The following PCDHA2 variants were observed in gnomAD, a reference collection of about 807,000 sequenced individuals.
The protein encoded by PCDHA2 is protocadherin alpha 2, also known as protocadherin alpha-2.
Under a neutral mutation model 66.0 loss-of-function variants are expected in PCDHA2, and 58 were observed. The ratio of observed to expected loss-of-function variants is 0.88; its 90% CI spans 0.71 to 1.09. PCDHA2 has a LOEUF of 1.09. PCDHA2 is among the 50% of genes least tolerant of loss of function. The probability of loss-of-function intolerance (pLI) is 0.00; values close to 1 mark genes in which losing one functional copy is unlikely to be tolerated. For synonymous variants in PCDHA2, 634 were observed against 554.0 expected, an observed-to-expected ratio of 1.14 and a Z score of -2.03; for missense variants, 1,267 against 1,242.3, an observed-to-expected ratio of 1.02 and a Z score of -0.30.
chr5:140,862,892 CTT>C (rs1554157185), intron 1 of PCDHA2: 2 of 562,274 alleles, frequency 3.6e-6, no homozygotes, highest in South Asian at 1.4e-5. Flanking sequence ...GGAACGACAA[CTT>C]TGTCTGCGCT....
At chr5:140,858,624 G>T (rs112932902) in intron 1 of PCDHA2, 7 of 1,115,778 alleles carry the variant, frequency 6.3e-6, no homozygotes, top group African/African-American at 4.7e-5. Context: ...CCTACCCAGT[G>T]TGTCAGCCTT....
chr5:140,903,823 G>A (rs1303323584), intron 1 of PCDHA2, among the ~76,000 whole-genome samples: 1 of 152,048 alleles, frequency 6.6e-6, no homozygotes, highest in Non-Finnish European at 1.5e-5. Flanking sequence ...TCACATGAAT[G>A]TCTGTTGGTA....
chr5:140,966,788 C>A, intron 1 of PCDHA2: 1 of 1,527,436 alleles, frequency 6.5e-7, no homozygotes, highest in African/African-American at 1.4e-5. Flanking sequence ...GGGCACCAGA[C>A]CTGCGGCGAC....
intron 1 of PCDHA2, chr5:140,812,457 CT>C (rs1765115164): frequency 2.0e-5 from 3 of 151,976 alleles, no homozygotes; most frequent in Non-Finnish European, 4.4e-5. Flanking sequence ...TTAATTTAAA[CT>C]TTTTTTCATT....
At chr5:140,801,160 C>T (rs1554121291) in intron 1 of PCDHA2, 3 of 1,536,136 alleles carry the variant, frequency 2.0e-6, no homozygotes, top group Non-Finnish European at 2.6e-6. Flanking sequence ...AACTTTGGAT[C>T]AATGTAAAGG....
rs151084513 is a variant in PCDHA2, at chr5:140,927,608, G to T, written c.2389-51341G>T. The T allele has an allele frequency of 1.2e-6, 2 of 1,614,168 alleles. No individual in the cohort carries two copies. The highest frequency in any genetic ancestry group is 3.3e-4 in the Middle Eastern group (2 of 6,062). Reference sequence around the variant, plus strand: ...CCTGTATTTGAGCGCTCCGTATACCGCACCAAGGTTCCAGAGACTGCACCC... The same window carrying T: ...CCTGTATTTGAGCGCTCCGTATACCTCACCAAGGTTCCAGAGACTGCACCC... On this transcript the variant is annotated intron_variant, in intron 1 of 3. Coordinates refer to ENST00000526136, the MANE Select transcript of PCDHA2 (RefSeq NM_018905.3).
At position 140,883,407 on chromosome 5, in the gene PCDHA2, G is replaced by C. The variant is rs2059598150; in HGVS notation, c.2388+86055G>C. On this transcript the variant is annotated intron_variant, in intron 1 of 3. Coordinates refer to ENST00000526136, the MANE Select transcript of PCDHA2 (RefSeq NM_018905.3). The stretch of plus-strand genomic sequence containing the variant: ...ATCAGTGTGTCCGATCGTGACTCTG[G>C]CTCAAATGGACAGGTCACCTGCACC... The C allele has an allele frequency of 1.9e-6, 3 of 1,614,170 alleles. No homozygotes were observed. In the East Asian group the frequency reaches 6.7e-5, roughly 36 times the overall value.
intron 1 of PCDHA2, chr5:140,869,124 G>C: frequency 6.2e-7 from 1 of 1,608,632 alleles, no homozygotes; most frequent in East Asian, 2.2e-5. Flanking sequence ...TTCAGAGAAG[G>C]GGATTGGGCA....
intron 1 of PCDHA2, chr5:140,834,434 T>A: frequency 6.2e-7 from 1 of 1,610,706 alleles, no homozygotes; most frequent in Non-Finnish European, 8.5e-7. Context: ...TACTGCTGTT[T>A]ATTATAATTC....
intron 1 of PCDHA2, chr5:140,859,407 TA>T (rs1351466050): frequency 4.1e-6 from 1 of 244,528 alleles, no homozygotes; most frequent in African/African-American, 2.3e-5. Context: ...AGGGTTGGGT[TA>T]GATGATATAG....
At chr5:140,993,727 T>C (rs1482867785) in intron 3 of PCDHA2, among the ~76,000 whole-genome samples, 1 of 152,220 alleles carries the variant, frequency 6.6e-6, no homozygotes, top group Non-Finnish European at 1.5e-5. Context: ...ACCTTTTCTA[T>C]GTTTAGATAC....
intron 1 of PCDHA2, chr5:140,835,702 G>A: frequency 6.2e-7 from 1 of 1,613,922 alleles, no homozygotes; most frequent in South Asian, 1.1e-5. Flanking sequence ...GCCACTGCTA[G>A]CGTGTCCGTG....
intron 1 of PCDHA2, among the ~76,000 whole-genome samples, chr5:140,973,039 C>T (rs782146596): frequency 1.3e-5 from 2 of 152,040 alleles, no homozygotes; most frequent in Non-Finnish European, 2.9e-5. Flanking sequence ...ACTTTGAGTA[C>T]TCTAGTAGAT....
chr5:140,919,198 A>G (rs545072839), intron 1 of PCDHA2, among the ~76,000 whole-genome samples: 8 of 152,268 alleles, frequency 5.3e-5, no homozygotes, highest in Admixed American at 3.9e-4. Flanking sequence ...TCCTTTTGTC[A>G]TTATAAAATG....
At chr5:140,904,091 C>A (rs536225769) in intron 1 of PCDHA2, among the ~76,000 whole-genome samples, 16 of 152,082 alleles carry the variant, frequency 1.1e-4, no homozygotes, top group Non-Finnish European at 1.8e-4. Flanking sequence ...ACATGAATAA[C>A]TACTTTAGTG....
intron 1 of PCDHA2, among the ~76,000 whole-genome samples, chr5:140,899,116 T>C (rs563698448): frequency 6.6e-6 from 1 of 152,246 alleles, no homozygotes; most frequent in South Asian, 2.1e-4. Flanking sequence ...TTTCTAGATA[T>C]ACAATCATGT....
intron 1 of PCDHA2, chr5:140,850,975 T>G: frequency 6.9e-7 from 1 of 1,451,728 alleles, no homozygotes; most frequent in Non-Finnish European, 9.2e-7. Flanking sequence ...GTTCAAATAG[T>G]TTTATTCATT....
intron 1 of PCDHA2, among the ~76,000 whole-genome samples, chr5:140,957,285 G>A (rs1036077483): frequency 2.0e-5 from 3 of 152,144 alleles, no homozygotes; most frequent in Non-Finnish European, 4.4e-5. Context: ...CTTACCTGCA[G>A]TTTCACTCTG....
chr5:140,970,912 T>C (rs1035265875), intron 1 of PCDHA2, among the ~76,000 whole-genome samples: 3 of 152,212 alleles, frequency 2.0e-5, no homozygotes, highest in Non-Finnish European at 2.9e-5. Flanking sequence ...TTTATTCATT[T>C]ATCAGAAGTG....
Sources: allele counts gnomAD v4.1 joint callset (sites outside exome capture counted in the v4.1 genomes callset), GRCh38; gene constraint gnomAD v4.1.1; transcripts MANE v1.5; gene names NCBI Gene and HGNC (gene_info 2026-07-23, HGNC 2026-07-21).